SLC45A4: variants seen among roughly 807,000 people sequenced by gnomAD.
SLC45A4 encodes the protein solute carrier family 45 member 4.
Under a neutral mutation model 63.7 loss-of-function variants are expected in SLC45A4, and 32 were observed. The observed-to-expected ratio is 0.50, with a 90% CI of 0.38 to 0.67. SLC45A4 has a LOEUF of 0.67. Ranked by LOEUF, SLC45A4 falls within the 30% of genes least tolerant of loss-of-function variation. The probability of loss-of-function intolerance (pLI) is 0.00; values close to 1 mark genes in which losing one functional copy is unlikely to be tolerated. For synonymous variants in SLC45A4, 535 were observed against 510.0 expected (o/e 1.05, Z -0.66); for missense variants, 1,027 against 1,157.7 (o/e 0.89, Z 1.64).
intron 1 of SLC45A4, among the ~76,000 whole-genome samples, chr8:141,279,450 C>T (rs747925203): frequency 6.6e-6 from 1 of 152,270 alleles, no homozygotes; most frequent in Non-Finnish European, 1.5e-5. Context: ...CCCTCTACCC[C>T]CATTCTTACG....
chr8:141,256,548 C>T lies in SLC45A4; in HGVS notation c.-400-1919G>A, dbSNP rs771628954. ...GTGGGCCCCAGGAGGGAGAAGACTC[C>T]GCTGTACAGGAGGTTCTGGAAGGAA... On this transcript the variant is annotated intron_variant, in intron 1 of 8. Transcript: ENST00000517878. This position sits in a 1 kb window ranked among gnomAD's most constrained non-coding sequence, Gnocchi z 4.3. 1.1e-5 allele frequency: 5 copies of T among 456,112 alleles called. No individual in the cohort carries two copies. The highest frequency in any genetic ancestry group is 3.1e-5 in the South Asian group (2 of 64,572). The allele number at this position is 456,112 out of a possible 1,614,324, so 28.3% of individuals were successfully genotyped here.
intron 7 of SLC45A4, among the ~76,000 whole-genome samples, chr8:141,214,981 G>A (rs1826051091): frequency 6.6e-6 from 1 of 152,232 alleles, no homozygotes. Context: ...CGTTCATGCA[G>A]TGCTACCTGT....
intron 2 of SLC45A4, among the ~76,000 whole-genome samples, chr8:141,253,660 T>G (rs1458757005): frequency 1.3e-5 from 2 of 152,230 alleles, no homozygotes; most frequent in African/African-American, 4.8e-5. Flanking sequence ...GCCTCGTTGT[T>G]CACTGTGGCC....
chr8:141,282,157 G>A (rs1279134107), intron 1 of SLC45A4, among the ~76,000 whole-genome samples: 1 of 152,204 alleles, frequency 6.6e-6, no homozygotes, highest in African/African-American at 2.4e-5. Flanking sequence ...AGGACGTCGA[G>A]GATGGAAGGA....
chr8:141,219,918 G>T, intron 3 of SLC45A4, 89 bp from the exon 4 acceptor site: 1 of 1,288,290 alleles, frequency 7.8e-7, no homozygotes, highest in Non-Finnish European at 1.0e-6. Context: ...AGGGGCATGC[G>T]GAGGGGGCAC....
chr8:141,221,861 A>G, intron 2 of SLC45A4, 96 bp from the exon 3 acceptor site: 1 of 1,308,262 alleles, frequency 7.6e-7, no homozygotes, highest in Non-Finnish European at 1.1e-6. Flanking sequence ...GCCTCTGTGT[A>G]CACGCACGCA....
chr8:141,208,943 A>G lies in SLC45A4; in HGVS notation c.*2629T>C, dbSNP rs1236191770. Reference sequence around the variant, plus strand: ...AACTGGTCTGCGCACATTACACAAGACTCGACCAACCGACACACCCTGCCT... The same window carrying G: ...AACTGGTCTGCGCACATTACACAAGGCTCGACCAACCGACACACCCTGCCT... On this transcript the variant is annotated 3_prime_UTR_variant, in exon 9 of 9. Coordinates refer to ENST00000517878, the MANE Select transcript of SLC45A4 (RefSeq NM_001286646.2). The G allele has an allele frequency of 1.3e-5, 2 of 152,426 alleles. No homozygotes were observed. Among genetic ancestry groups the G allele is most frequent in the Non-Finnish European group, 2.9e-5 (2 of 68,282 alleles). The allele number at this position is 152,426 out of a possible 1,614,324, so 9.4% of individuals were successfully genotyped here.
intron 1 of SLC45A4, among the ~76,000 whole-genome samples, chr8:141,273,559 A>G (rs1226831290): frequency 6.6e-6 from 1 of 152,120 alleles, no homozygotes; most frequent in Non-Finnish European, 1.5e-5. Flanking sequence ...ACAGCACGCG[A>G]AGCAGCTAAA....
chr8:141,215,926 C>A lies in SLC45A4; in HGVS notation c.1774G>T (p.Val592Leu), dbSNP rs1180043865. The A allele has an allele frequency of 2.5e-6, 4 of 1,614,082 alleles. No homozygotes were observed. The Admixed American group carries it at 6.7e-5, about 27-fold the overall frequency. ...YLDNYDLSVR[V>L]IYVLGTLGFS... is the part of the protein sequence containing the mutation. ...CCCAGCGTCCCCAGCACGTAGATCA[C>A]CCTGACGCTCAGGTCGTAGTTGTCC... Residue 592 changes from valine to leucine, a missense_variant, in exon 7 of 9, where the codon GTG becomes TTG. By Grantham distance (32) the Val-to-Leu change is conservative (BLOSUM62 1). Coordinates refer to ENST00000517878, the MANE Select transcript of SLC45A4 (RefSeq NM_001286646.2). The surrounding 1 kb of genome is among the most constrained non-coding windows in gnomAD (Gnocchi z 4.3).
At chr8:141,232,760 A>C (rs576265089) in intron 2 of SLC45A4, among the ~76,000 whole-genome samples, 1 of 150,382 alleles carries the variant, frequency 6.6e-6, no homozygotes, top group East Asian at 2.0e-4. Context: ...GTGAGCACTC[A>C]CAAGCTGCAA....
At chr8:141,253,482 T>C (rs1828620302) in intron 2 of SLC45A4, among the ~76,000 whole-genome samples, 2 of 152,238 alleles carry the variant, frequency 1.3e-5, no homozygotes, top group South Asian at 4.1e-4. Context: ...CATCTTCCAG[T>C]ATCTCCCACA....
At position 141,256,741 on chromosome 8, in the gene SLC45A4, C is replaced by G; in HGVS notation, c.-400-2112G>C. 2.5e-6 allele frequency: 1 copy of G among 404,250 alleles called. No individual in the cohort carries two copies. The highest frequency in any genetic ancestry group is 5.1e-6 in the Non-Finnish European group (1 of 195,376). 25.0% of individuals were successfully genotyped at this position (404,250 alleles called of 1,614,324 possible). On this transcript the variant is annotated intron_variant, in intron 1 of 8. Transcript: ENST00000517878. This position sits in a 1 kb window ranked among gnomAD's most constrained non-coding sequence, Gnocchi z 4.3. ...GTCGCTACGATTCCACACGACAGCC[C>G]TCGAGAATTCTTTCAAGTTTTCCAA...
rs1825903271 is a variant in SLC45A4, at chr8:141,212,540, G to A, written c.1958C>T (p.Pro653Leu). The change falls in exon 8 of 9, where the codon CCC becomes CTC. Residue 653 changes from proline to leucine, a missense_variant. Transcript: ENST00000517878. ...GCCAAACCCTCGCTTGGAGTTCCCG[G>A]GGCTGTGGTGGATGTACTGCAAGAG... is the stretch of plus-strand genomic sequence containing the variant. ...HDIKQYIHHSPGNSKRGFGID... is the reference protein window; with the variant it reads ...HDIKQYIHHSLGNSKRGFGID... 6.2e-7 allele frequency: 1 copy of A among 1,606,780 alleles called. No individual in the cohort carries two copies. Among genetic ancestry groups the A allele is most frequent in the Admixed American group, 1.7e-5 (1 of 59,762 alleles).
rs1825874205 is a variant in SLC45A4 at position 141,212,228 on chromosome 8, C to T, written c.2270G>A (p.Gly757Asp). 1 of 1,552,956 alleles carries T rather than the reference C, an allele frequency of 6.4e-7. No homozygotes were observed. The highest frequency in any genetic ancestry group is 8.7e-7 in the Non-Finnish European group (1 of 1,147,424). The change falls in exon 8 of 9, where the codon GGC (glycine) becomes GAC (aspartate). Residue 757 changes from glycine (G) to aspartate (D), a missense_variant. Coordinates refer to ENST00000517878, the MANE Select transcript of SLC45A4 (RefSeq NM_001286646.2). Reference protein sequence around the residue: ...PTVLKLTRKEGLQGPVETESV... With the variant: ...PTVLKLTRKEDLQGPVETESV... ...CTCTGTCTCCACCGGTCCCTGCAGG[C>T]CCTCCTTCCGCGTGAGCTTCAGCAC...
chr8:141,290,455 T>C (rs1194877925), intron 1 of SLC45A4, among the ~76,000 whole-genome samples: 1 of 152,220 alleles, frequency 6.6e-6, no homozygotes, highest in Non-Finnish European at 1.5e-5. Flanking sequence ...AACCTTGACT[T>C]TCCGTGGTGC....
At chr8:141,260,052 G>A (rs375699529) in intron 1 of SLC45A4, among the ~76,000 whole-genome samples, 4 of 152,260 alleles carry the variant, frequency 2.6e-5, no homozygotes, top group East Asian at 3.9e-4. Flanking sequence ...TGGCACCGGT[G>A]TCACCTGTTA....
intron 1 of SLC45A4, among the ~76,000 whole-genome samples, chr8:141,299,484 G>A (rs1295370389): frequency 3.9e-5 from 6 of 152,182 alleles, no homozygotes; most frequent in South Asian, 2.1e-4. Context: ...TGTCGTTCTC[G>A]CCACCAAATC....
chr8:141,247,051 A>G (rs1443639961), intron 2 of SLC45A4, among the ~76,000 whole-genome samples: 2 of 152,214 alleles, frequency 1.3e-5, no homozygotes, highest in Non-Finnish European at 2.9e-5. Flanking sequence ...AAAATAGAAA[A>G]TAAACAACAG....
chr8:141,263,538 C>T (rs192130971), intron 1 of SLC45A4, among the ~76,000 whole-genome samples: 1 of 151,376 alleles, frequency 6.6e-6, no homozygotes, highest in East Asian at 1.9e-4. Flanking sequence ...GAGGCCGAGG[C>T]GGGTAGATCA....
Sources: allele counts gnomAD v4.1 joint callset (sites outside exome capture counted in the v4.1 genomes callset), GRCh38; gene constraint gnomAD v4.1.1; non-coding constraint Gnocchi (gnomAD v3.1); transcripts MANE v1.5; gene names NCBI Gene and HGNC (gene_info 2026-07-23, HGNC 2026-07-21).